The following SUPT3H variants were observed in gnomAD, a reference collection of about 807,000 sequenced individuals.
The protein encoded by SUPT3H is transcription initiation protein SPT3 homolog.
In SUPT3H, 44 loss-of-function variants were observed where a neutral mutation model predicts 44.3. That is an observed-to-expected ratio of 0.99 (90% CI 0.78 to 1.28). The LOEUF is 1.28. Among genes scored for constraint, SUPT3H ranks in the 50% most tolerant of loss-of-function variants. The probability of loss-of-function intolerance (pLI) is 0.00; values close to 1 mark genes in which losing one functional copy is unlikely to be tolerated. For synonymous variants in SUPT3H, 124 were observed against 125.6 expected (o/e 0.99, Z 0.09); for missense variants, 380 against 387.1 (o/e 0.98, Z 0.15).
chr6:44,817,855 T>C (rs1767013831), intron 11 of SUPT3H, among the ~76,000 whole-genome samples: 1 of 152,166 alleles, frequency 6.6e-6, no homozygotes, highest in African/African-American at 2.4e-5. Context: ...AATGGAGAGC[T>C]ATATCATGTT....
chr6:45,327,907 T>C (rs377632251), intron 2 of SUPT3H, among the ~76,000 whole-genome samples: 1 of 151,928 alleles, frequency 6.6e-6, no homozygotes, highest in African/African-American at 2.4e-5. Context: ...CACAGACTCT[T>C]GAGCCAATTT....
intron 9 of SUPT3H, among the ~76,000 whole-genome samples, chr6:44,943,746 C>A (rs1026152141): frequency 1.3e-5 from 2 of 152,082 alleles, no homozygotes; most frequent in African/African-American, 4.8e-5. Context: ...CATTAAAATA[C>A]TGAAAAATAA....
At chr6:45,181,730 G>C (rs1468889432) in intron 2 of SUPT3H, among the ~76,000 whole-genome samples, 1 of 115,624 alleles carries the variant, frequency 8.6e-6, no homozygotes, top group South Asian at 3.4e-4. Flanking sequence ...GTGGGGGGAG[G>C]GGAGAGGGAT....
intron 10 of SUPT3H, among the ~76,000 whole-genome samples, chr6:44,899,611 C>T (rs922405531): frequency 4.6e-5 from 7 of 152,096 alleles, no homozygotes; most frequent in Non-Finnish European, 8.8e-5. Flanking sequence ...CGTTTGAACC[C>T]GGGAGATGGA....
In SUPT3H at chr6:45,083,743, A is replaced by T. The variant is rs964700003; in HGVS notation, c.186+22179T>A. On this transcript the variant is annotated intron_variant, in intron 3 of 10. Transcript: ENST00000371459. ...AACACCATCGGTCTAGTATAAAAAC[A>T]GACACATAGACTAATGAAACAGAAT... Among the ~76,000 whole-genome samples, 4 of 152,136 alleles carry T rather than the reference A, an allele frequency of 2.6e-5. No homozygotes were observed. In the South Asian group the frequency reaches 6.2e-4, roughly 24 times the overall value.
At chr6:45,182,669 A>T (rs1221821767) in intron 2 of SUPT3H, among the ~76,000 whole-genome samples, 1 of 152,214 alleles carries the variant, frequency 6.6e-6, no homozygotes, top group Non-Finnish European at 1.5e-5. Flanking sequence ...ACGAAAGCTT[A>T]ATATGAAGTC....
At chr6:45,237,948 T>A (rs1201865675) in intron 2 of SUPT3H, among the ~76,000 whole-genome samples, 2 of 152,160 alleles carry the variant, frequency 1.3e-5, no homozygotes, top group African/African-American at 4.8e-5. Context: ...TGTCATAGAT[T>A]TAAAAGACTG....
At chr6:45,288,484 T>C (rs1779678013) in intron 2 of SUPT3H, among the ~76,000 whole-genome samples, 1 of 150,246 alleles carries the variant, frequency 6.7e-6, no homozygotes, top group Admixed American at 6.7e-5. Flanking sequence ...TTTTAAAATG[T>C]ATTTGTACTT....
At chr6:45,146,255 T>C (rs1301420426) in intron 2 of SUPT3H, among the ~76,000 whole-genome samples, 2 of 152,140 alleles carry the variant, frequency 1.3e-5, no homozygotes, top group Non-Finnish European at 2.9e-5. Context: ...TGCAAAAATA[T>C]GGAACCGGCC....
chr6:44,862,677 C>CAAA (rs3997535), intron 10 of SUPT3H, among the ~76,000 whole-genome samples: 9,575 of 138,554 alleles, frequency 0.069, 484 homozygotes, highest in African/African-American at 0.12. Context: ...AACTCTGTAT[C>CAAA]AAAAAAAAAA....
intron 3 of SUPT3H, among the ~76,000 whole-genome samples, chr6:45,062,576 G>A (rs1474125052): frequency 5.3e-5 from 8 of 152,216 alleles, no homozygotes; most frequent in Non-Finnish European, 7.3e-5. Flanking sequence ...GGGAGTGCCA[G>A]ACAGTGGGCG....
chr6:45,064,234 A>C (rs1460738323), intron 3 of SUPT3H, among the ~76,000 whole-genome samples: 2 of 143,706 alleles, frequency 1.4e-5, no homozygotes, highest in African/African-American at 5.2e-5. Context: ...AGGAGAAATA[A>C]AATACTTCAC....
intron 2 of SUPT3H, among the ~76,000 whole-genome samples, chr6:45,254,149 G>A (rs1055744025): frequency 1.3e-5 from 2 of 151,948 alleles, no homozygotes; most frequent in Non-Finnish European, 2.9e-5. Flanking sequence ...AAAGTCTGGG[G>A]CAGATAGTTA....
At chr6:45,110,031 C>G (rs1226951265) in intron 2 of SUPT3H, among the ~76,000 whole-genome samples, 2 of 152,194 alleles carry the variant, frequency 1.3e-5, no homozygotes, top group Non-Finnish European at 2.9e-5. Context: ...CTGCCCCTCT[C>G]CTGGTCTCCT....
At chr6:45,085,517 C>G (rs1796373970) in intron 3 of SUPT3H, among the ~76,000 whole-genome samples, 1 of 152,044 alleles carries the variant, frequency 6.6e-6, no homozygotes, top group Non-Finnish European at 1.5e-5. Context: ...TATTTGGTAC[C>G]TCATTTCTAA....
At position 44,863,157 on chromosome 6, in the gene SUPT3H, T is replaced by A. The variant is rs77177323; in HGVS notation, c.913-33300A>T. Among the ~76,000 whole-genome samples the A allele has an allele frequency of 2.6e-3, 390 of 152,326 alleles. 2 individuals carry two copies. The highest frequency in any genetic ancestry group is 8.6e-3 in the African/African-American group (356 of 41,568). ...AGTATATTTGCAGAATGTATGTATA[T>A]CTACTCTATCTTTAATCCAGTCATG... On this transcript the variant is annotated intron_variant, in intron 10 of 10. Transcript: ENST00000371459.
In SUPT3H at chr6:45,094,555, T is replaced by C. The variant is rs529541758; in HGVS notation, c.186+11367A>G. ...GAAAGGACTGGGAATTCCTTCCCAG[T>C]TGATCCTCTGTGTCATGCCTTTAGC... On this transcript the variant is annotated intron_variant, in intron 3 of 10. Coordinates refer to ENST00000371459, the MANE Select transcript of SUPT3H (RefSeq NM_003599.4). Among the ~76,000 whole-genome samples the C allele has an allele frequency of 9.9e-5, 15 of 152,260 alleles. No individual in the cohort carries two copies. The East Asian group carries it at 2.9e-3, about 29-fold the overall frequency.
At chr6:45,172,072 CT>C (rs113003297) in intron 2 of SUPT3H, among the ~76,000 whole-genome samples, 4,543 of 135,560 alleles carry the variant, frequency 0.034, 86 homozygotes, top group Non-Finnish European at 0.051. Flanking sequence ...ATTTATTTAT[CT>C]TTTTTTTTTT....
intron 3 of SUPT3H, among the ~76,000 whole-genome samples, chr6:45,091,791 T>C (rs955486243): frequency 1.3e-5 from 2 of 152,064 alleles, no homozygotes; most frequent in Non-Finnish European, 2.9e-5. Context: ...TATATACAGT[T>C]TTGGGGAGAA....
Sources: gnomAD v4.1 joint callset for allele counts (sites outside exome capture counted in the v4.1 genomes callset) on GRCh38, gnomAD v4.1.1 for gene constraint, MANE v1.5 for transcripts, NCBI Gene and HGNC (gene_info 2026-07-23, HGNC 2026-07-21) for gene names.